The following SSBP3 variants were observed in gnomAD, a reference collection of about 807,000 sequenced individuals.
SSBP3 encodes the protein single-stranded DNA-binding protein 3.
Under a neutral mutation model 69.6 loss-of-function variants are expected in SSBP3, and 5 were observed. The observed-to-expected ratio is 0.07, with a 90% CI of 0.04 to 0.15. The LOEUF (loss-of-function observed/expected upper bound fraction) is 0.15, where lower values mean the gene tolerates loss of function less well. SSBP3 is among the 10% of genes least tolerant of loss of function. The pLI is 1.00. For missense variants in SSBP3, 312 were observed against 534.0 expected (o/e 0.58, Z 4.10); for synonymous variants, 196 against 193.4 (o/e 1.01, Z -0.11).
At chr1:54,251,820 T>C (rs751830897) in exon 8 of SSBP3, 4 of 1,611,836 alleles carry the variant, frequency 2.5e-6, no homozygotes, top group South Asian at 1.1e-5. Context: ...ATCCATAGAA[T>C]TGGGCAGCAA....
At chr1:54,408,469 G>A (rs1428634642), upstream of SSBP3, among the ~76,000 whole-genome samples, 1 of 152,200 alleles carries the variant, frequency 6.6e-6, no homozygotes, top group African/African-American at 2.4e-5. Context: ...CAAGAAGCCT[G>A]ACTCATCTTG....
intron 4 of SSBP3, among the ~76,000 whole-genome samples, chr1:54,385,780 A>G (rs373537480): frequency 3.3e-5 from 5 of 152,146 alleles, no homozygotes; most frequent in Non-Finnish European, 7.4e-5. Context: ...TCCCCATTTT[A>G]CAGATAAGGA....
intron 4 of SSBP3, among the ~76,000 whole-genome samples, chr1:54,310,062 AGCTG>A (rs1176359657): frequency 6.6e-6 from 1 of 152,116 alleles, no homozygotes; most frequent in African/African-American, 2.4e-5. Flanking sequence ...CTCGGTCCAG[AGCTG>A]GCAGCTGTCT....
At chr1:54,313,020 C>T (rs1039054589) in intron 4 of SSBP3, among the ~76,000 whole-genome samples, 4 of 121,378 alleles carry the variant, frequency 3.3e-5, no homozygotes, top group East Asian at 2.5e-4. Flanking sequence ...GTGCCTGGAG[C>T]TTTTTTTTTT....
At chr1:54,289,047 A>AAAAAAAAAAAAAAAC (rs1557499552) in intron 4 of SSBP3, among the ~76,000 whole-genome samples, 2 of 116,728 alleles carry the variant, frequency 1.7e-5, no homozygotes, top group Non-Finnish European at 3.6e-5. Flanking sequence ...CAAAAAAACA[A>AAAAAAAAAAAAAAAC]AAAAAAAAAA....
chr1:54,380,089 C>A (rs1311208296), intron 4 of SSBP3, among the ~76,000 whole-genome samples: 1 of 152,132 alleles, frequency 6.6e-6, no homozygotes, highest in East Asian at 1.9e-4. Flanking sequence ...GCCAATCTCG[C>A]CAGGGAAAGG....
At chr1:54,402,213 A>G (rs776589413) in intron 3 of SSBP3, among the ~76,000 whole-genome samples, 8 of 152,208 alleles carry the variant, frequency 5.3e-5, no homozygotes, top group Non-Finnish European at 1.2e-4. Flanking sequence ...TGTGTCTACC[A>G]TATACTGTAA....
At chr1:54,245,343 G>C (rs1248036578) in intron 9 of SSBP3, among the ~76,000 whole-genome samples, 1 of 152,222 alleles carries the variant, frequency 6.6e-6, no homozygotes, top group Non-Finnish European at 1.5e-5. Context: ...GTGAGCAAAT[G>C]GACAGCTAGG....
chr1:54,264,460 T>C (rs1233845517), intron 5 of SSBP3, among the ~76,000 whole-genome samples: 2 of 152,234 alleles, frequency 1.3e-5, no homozygotes, highest in Admixed American at 6.5e-5. Context: ...CTAGAAGTCA[T>C]GGGCTTGCTG....
intron 4 of SSBP3, among the ~76,000 whole-genome samples, chr1:54,309,039 C>T (rs980638534): frequency 5.3e-5 from 8 of 152,214 alleles, no homozygotes; most frequent in African/African-American, 1.7e-4. Flanking sequence ...ATCTGATGAA[C>T]TGGGGCATAT....
intron 4 of SSBP3, among the ~76,000 whole-genome samples, chr1:54,332,139 C>T (rs1320656256): frequency 6.6e-6 from 1 of 152,206 alleles, no homozygotes; most frequent in Non-Finnish European, 1.5e-5. Context: ...GGCTGCCTAG[C>T]CAAAGCCTGT....
chr1:54,246,686 G>A (rs964803601), intron 9 of SSBP3, among the ~76,000 whole-genome samples: 2 of 152,192 alleles, frequency 1.3e-5, no homozygotes, highest in Non-Finnish European at 2.9e-5. Flanking sequence ...CACCAGTCCT[G>A]CCGCCTATAG....
intron 4 of SSBP3, among the ~76,000 whole-genome samples, chr1:54,283,996 T>C (rs968776115): frequency 2.0e-5 from 3 of 152,174 alleles, no homozygotes; most frequent in Non-Finnish European, 4.4e-5. Flanking sequence ...AAACTTTTTT[T>C]AAAAATGGGG....
intron 4 of SSBP3, among the ~76,000 whole-genome samples, chr1:54,390,362 C>T (rs556086735): frequency 1.2e-4 from 18 of 152,268 alleles, no homozygotes; most frequent in African/African-American, 3.9e-4. Context: ...CAGGGACCCG[C>T]GGCAAACATC....
At chr1:54,236,597 T>C (rs1644499900) in intron 14 of SSBP3, 1 of 152,202 alleles carries the variant, frequency 6.6e-6, no homozygotes, top group African/African-American at 2.4e-5. Context: ...TAATTCCTTT[T>C]TCCATTCTCA....
intron 4 of SSBP3, among the ~76,000 whole-genome samples, chr1:54,334,756 G>A (rs761955031): frequency 2.0e-5 from 3 of 152,208 alleles, no homozygotes; most frequent in Non-Finnish European, 4.4e-5. Flanking sequence ...CCTGTGCAGT[G>A]AGCCTGTATT....
chr1:54,256,276 T>C lies in SSBP3; in HGVS notation c.507+851A>G, dbSNP rs577517870. Among the ~76,000 whole-genome samples, 43 of 152,348 alleles carry C rather than the reference T, an allele frequency of 2.8e-4. 1 individual carries two copies. The Middle Eastern group carries it at 0.01, about 36-fold the overall frequency. On this transcript the variant is annotated intron_variant, in intron 7 of 17. Transcript: ENST00000610401. ...TGCTGGCGCTTCTGTCAGATTTTTT[T>C]GAAGGGCTTTTGCAAAGTCACCGAA...
intron 4 of SSBP3, among the ~76,000 whole-genome samples, chr1:54,394,695 CTTTTTTTTTT>C (rs544898836): frequency 4.1e-5 from 4 of 97,132 alleles, no homozygotes; most frequent in Non-Finnish European, 7.6e-5. Flanking sequence ...CTTAAGACTC[CTTTTTTTTTT>C]TTTTTTTTTT....
intron 4 of SSBP3, among the ~76,000 whole-genome samples, chr1:54,302,774 A>T (rs774862033): frequency 8.5e-5 from 13 of 152,204 alleles, no homozygotes; most frequent in Non-Finnish European, 1.8e-4. Flanking sequence ...TTAAGGCTGC[A>T]TGGGGGCTCA....
Sources: gnomAD v4.1 joint callset for allele counts (sites outside exome capture counted in the v4.1 genomes callset) on GRCh38, gnomAD v4.1.1 for gene constraint, MANE v1.5 for transcripts, NCBI Gene and HGNC (gene_info 2026-07-23, HGNC 2026-07-21) for gene names.